DNAH11: variants seen among roughly 807,000 people sequenced by gnomAD.
The protein encoded by DNAH11 is dynein axonemal heavy chain 11.
DNAH11 carries 442 observed loss-of-function variants against 526.0 expected under a neutral mutation model. The ratio of observed to expected loss-of-function variants is 0.84; its 90% CI spans 0.78 to 0.91. The LOEUF is 0.91. Among genes scored for constraint, DNAH11 ranks in the 40% least tolerant of loss-of-function variants. The pLI, the probability that DNAH11 is intolerant of heterozygous loss-of-function variation, is 0.00. For missense variants in DNAH11, 6,989 were observed against 5,448.7 expected (o/e 1.28, Z -8.90); for synonymous variants, 2,461 against 1,935.9 (o/e 1.27, Z -7.12).
At chr7:21,687,073 A>G (rs371248074) in intron 32 of DNAH11, 26 bp from the exon 33 acceptor site, 7 of 1,595,016 alleles carry the variant, frequency 4.4e-6, no homozygotes, top group South Asian at 1.2e-5. Flanking sequence ...TTAGACTGTG[A>G]TGTTTGTGTT....
chr7:21,879,804 G>A (rs906763095), intron 74 of DNAH11, among the ~76,000 whole-genome samples: 9 of 152,078 alleles, frequency 5.9e-5, no homozygotes, highest in Non-Finnish European at 5.9e-5. Context: ...GAAAGAGTTC[G>A]CTGGGCCCCG....
chr7:21,593,894 C>T (rs540952638), intron 14 of DNAH11, among the ~76,000 whole-genome samples: 1 of 151,846 alleles, frequency 6.6e-6, no homozygotes, highest in African/African-American at 2.4e-5. Context: ...CCCTGCTCCC[C>T]CCAGACACAA....
rs55714084 is a variant in DNAH11 at position 21,899,471 on chromosome 7, C to A, written c.13162+23C>A. Reference sequence around the variant, plus strand: ...CTGGTAAGGGCTGACGCAGTGCAGCCCCTGATGCACACAGGACCACAGCCT... The same window carrying A: ...CTGGTAAGGGCTGACGCAGTGCAGCACCTGATGCACACAGGACCACAGCCT... On this transcript the variant is annotated intron_variant, in intron 80 of 81. Transcript: ENST00000409508. 488,522 of 1,569,576 alleles carry A rather than the reference C, an allele frequency of 0.31. 79,947 individuals carry two copies. The highest frequency in any genetic ancestry group is 0.34 in the Non-Finnish European group (387,810 of 1,142,286).
At chr7:21,692,251 C>G (rs1451430779) in intron 35 of DNAH11, among the ~76,000 whole-genome samples, 1 of 152,178 alleles carries the variant, frequency 6.6e-6, no homozygotes, top group Non-Finnish European at 1.5e-5. Flanking sequence ...TAATTTAATA[C>G]AATCAAGTGT....
chr7:21,815,969 T>C (rs1354605561), intron 63 of DNAH11, among the ~76,000 whole-genome samples: 5 of 151,950 alleles, frequency 3.3e-5, no homozygotes, highest in Admixed American at 2.6e-4. Context: ...AACTGAGGAG[T>C]TGATGGAGTT....
At chr7:21,749,345 G>T (rs892506576) in intron 52 of DNAH11, among the ~76,000 whole-genome samples, 7 of 152,212 alleles carry the variant, frequency 4.6e-5, no homozygotes, top group African/African-American at 1.7e-4. Flanking sequence ...GTTAAAATGA[G>T]CAGGCTTCTT....
At chr7:21,786,562 A>G (rs1788201803) in intron 58 of DNAH11, 62 bp from the exon 59 acceptor site, 1 of 1,518,426 alleles carries the variant, frequency 6.6e-7, no homozygotes, top group Admixed American at 1.9e-5. Flanking sequence ...GGCAACTTAC[A>G]GAGCTTCTCC....
chr7:21,781,709 G>A (rs1787947544), intron 57 of DNAH11, among the ~76,000 whole-genome samples: 1 of 152,148 alleles, frequency 6.6e-6, no homozygotes, highest in Admixed American at 6.5e-5. Context: ...TAATCTAAAG[G>A]CAGACAAGTG....
intron 66 of DNAH11, among the ~76,000 whole-genome samples, chr7:21,844,380 G>A (rs1338133858): frequency 1.3e-5 from 2 of 152,200 alleles, no homozygotes; most frequent in Non-Finnish European, 2.9e-5. Context: ...TGCCAGGATA[G>A]TGCCACTGCA....
At chr7:21,643,541 A>T (rs974344824) in intron 28 of DNAH11, among the ~76,000 whole-genome samples, 1 of 152,192 alleles carries the variant, frequency 6.6e-6, no homozygotes, top group Non-Finnish European at 1.5e-5. Flanking sequence ...TGATTCTTAT[A>T]TGGCTACTGA....
At position 21,765,532 on chromosome 7, in the gene DNAH11, G is replaced by A. The variant is rs200558824; in HGVS notation, c.9045G>A (p.Pro3015=). Residue 3015 remains proline, a synonymous_variant, in exon 55 of 82, where the codon CCG becomes CCA. Transcript: ENST00000409508. ...CTATTGACTGGTTTCATGCGTGGCCGCAGGAGGCTCTGGTCTCCGTCAGCA... is the reference window on the plus strand; with the variant it reads ...CTATTGACTGGTTTCATGCGTGGCCACAGGAGGCTCTGGTCTCCGTCAGCA... ...CTAIDWFHAW[P]QEALVSVSRR... 2.5e-5 allele frequency: 41 copies of A among 1,612,398 alleles called. No individual in the cohort carries two copies. The highest frequency in any genetic ancestry group is 6.7e-5 in the Admixed American group (4 of 59,880).
At chr7:21,615,442 T>TTCTTCTTTGAATCA in intron 21 of DNAH11, among the ~76,000 whole-genome samples, 170 bp downstream of exon 21, 1 of 152,286 alleles carries the variant, frequency 6.6e-6, no homozygotes, top group East Asian at 1.9e-4. Flanking sequence ...TAGTGGATGA[T>TTCTTCTTTGAATCA]TCTTCTTTGA....
intron 41 of DNAH11, among the ~76,000 whole-genome samples, chr7:21,711,094 A>G (rs1370817221): frequency 1.3e-5 from 2 of 152,304 alleles, no homozygotes; most frequent in East Asian, 1.9e-4. Context: ...TCCTTTGGCT[A>G]TGGATTGAGT....
Position 21,711,818 on chromosome 7 carries a change from C to T in DNAH11, c.6941C>T (p.Ala2314Val), listed in dbSNP as rs372541483. 1 of 1,613,674 alleles carries T rather than the reference C, an allele frequency of 6.2e-7. No individual in the cohort carries two copies. The highest frequency in any genetic ancestry group is 1.3e-5 in the African/African-American group (1 of 74,922). ...GCAACCCCGGCCACTGTTTCCAGAG[C>T]TGGTATTCTGTATGTGAACCCACAA... Reference protein sequence around the residue: ...RSATPATVSRAGILYVNPQDL... With the variant: ...RSATPATVSRVGILYVNPQDL... The change falls in exon 42 of 82, where the codon GCT becomes GTT. Residue 2314 changes from alanine to valine, a missense_variant. Ala to Val is a moderately conservative substitution (Grantham distance 64). Coordinates refer to ENST00000409508, the MANE Select transcript of DNAH11 (RefSeq NM_001277115.2).
rs369959434 is a variant in DNAH11, at chr7:21,559,009, G to T, written c.692+11G>T. On this transcript the variant is annotated intron_variant, in intron 3 of 81. Transcript: ENST00000409508. Reference sequence around the variant, plus strand: ...TTGTTCAGAGAACAAGTACGTAACAGTACAATATATACAGGATATTAAAGT... The same window carrying T: ...TTGTTCAGAGAACAAGTACGTAACATTACAATATATACAGGATATTAAAGT... 6.4e-7 allele frequency: 1 copy of T among 1,559,276 alleles called. No individual in the cohort carries two copies. The highest frequency in any genetic ancestry group is 1.9e-5 in the Admixed American group (1 of 51,958).
intron 61 of DNAH11, among the ~76,000 whole-genome samples, chr7:21,800,645 GAAA>G (rs1213973728): frequency 6.6e-6 from 1 of 152,064 alleles, no homozygotes; most frequent in East Asian, 1.9e-4. Flanking sequence ...AAATGAAAAA[GAAA>G]AATCCGATTG....
chr7:21,667,012 A>G (rs1320119504), intron 30 of DNAH11, among the ~76,000 whole-genome samples: 1 of 152,150 alleles, frequency 6.6e-6, no homozygotes, highest in Non-Finnish European at 1.5e-5. Flanking sequence ...AATCAGTCCA[A>G]ACCTATAAAA....
chr7:21,752,960 C>T (rs1786477053), intron 54 of DNAH11, among the ~76,000 whole-genome samples: 1 of 152,148 alleles, frequency 6.6e-6, no homozygotes, highest in African/African-American at 2.4e-5. Flanking sequence ...GTCCACCCGC[C>T]TTGGCCTCCT....
intron 79 of DNAH11, among the ~76,000 whole-genome samples, chr7:21,895,774 G>C (rs1285974306): frequency 6.6e-6 from 1 of 152,158 alleles, no homozygotes; most frequent in Non-Finnish European, 1.5e-5. Context: ...CTCTCGCCCA[G>C]GCTGGAGTGC....
Sources: allele counts gnomAD v4.1 joint callset (sites outside exome capture counted in the v4.1 genomes callset), GRCh38; gene constraint gnomAD v4.1.1; transcripts MANE v1.5; gene names NCBI Gene and HGNC (gene_info 2026-07-23, HGNC 2026-07-21).